TEX36: variants seen among roughly 807,000 people sequenced by gnomAD.
TEX36 encodes the protein testis expressed 36, also known as testis-expressed protein 36.
TEX36 carries 12 observed loss-of-function variants against 13.6 expected under a neutral mutation model. The observed-to-expected ratio is 0.88, with a 90% confidence interval of 0.56 to 1.43. The LOEUF (loss-of-function observed/expected upper bound fraction) is 1.43, where lower values mean the gene tolerates loss of function less well. TEX36 is among the 40% of genes most tolerant of loss of function. The pLI is 0.00. For synonymous variants in TEX36, 93 were observed against 83.0 expected (o/e 1.12, Z -0.65); for missense variants, 224 against 228.3 (o/e 0.98, Z 0.12).
intron 3 of TEX36, among the ~76,000 whole-genome samples, chr10:125,585,474 T>C (rs745391752): frequency 5.9e-5 from 9 of 152,030 alleles, no homozygotes; most frequent in Non-Finnish European, 1.2e-4. Flanking sequence ...AGGCCTGTCA[T>C]AGAAAACAAA....
chr10:125,596,002 G>A (rs932619330), intron 3 of TEX36, among the ~76,000 whole-genome samples: 25 of 152,292 alleles, frequency 1.6e-4, no homozygotes, highest in African/African-American at 6.0e-4. Context: ...TAGATGTCAG[G>A]AATCTTATGA....
chr10:125,637,186 G>C (rs1165703375), intron 3 of TEX36, among the ~76,000 whole-genome samples: 7 of 151,946 alleles, frequency 4.6e-5, no homozygotes, highest in Non-Finnish European at 1.0e-4. Flanking sequence ...GTAGACACCT[G>C]TGGTCTCAAC....
At chr10:125,600,227 A>G (rs1246344122) in intron 3 of TEX36, among the ~76,000 whole-genome samples, 2 of 152,142 alleles carry the variant, frequency 1.3e-5, no homozygotes, top group Non-Finnish European at 2.9e-5. Flanking sequence ...GAAAACTAAA[A>G]TTTTGGAAGA....
chr10:125,669,812 T>C (rs1565190283), intron 1 of TEX36, among the ~76,000 whole-genome samples: 1 of 152,222 alleles, frequency 6.6e-6, no homozygotes, highest in Admixed American at 6.5e-5. Context: ...TGTGTTCTCA[T>C]TGTTCAGCTC....
rs139923925 is a variant in TEX36, at chr10:125,642,961, G to T, written c.264+18060C>A. On this transcript the variant is annotated intron_variant, in intron 3 of 3. Coordinates refer to the TEX36 transcript ENST00000526819. ...TGGAAGCTAGACAGGATCAAATTGG[G>T]CACAGGTCAGGTCGGCTACAAATGT... 6.2e-3 allele frequency among the ~76,000 whole-genome samples: 949 copies of T among 152,300 alleles called. 14 individuals carry two copies. The highest frequency in any genetic ancestry group is 6.4e-3 in the Non-Finnish European group (433 of 68,020).
At chr10:125,634,337 C>T (rs573475455) in intron 3 of TEX36, among the ~76,000 whole-genome samples, 166 of 152,278 alleles carry the variant, frequency 1.1e-3, no homozygotes, top group African/African-American at 3.9e-3. Flanking sequence ...TTTACCTCCA[C>T]ACATTTGATG....
At chr10:125,604,370 T>A (rs891076335) in intron 3 of TEX36, among the ~76,000 whole-genome samples, 2 of 152,142 alleles carry the variant, frequency 1.3e-5, no homozygotes, top group Non-Finnish European at 2.9e-5. Flanking sequence ...AGGGACTAAT[T>A]TGCACGCTCC....
chr10:125,667,016 T>G, intron 1 of TEX36: 2 of 1,455,958 alleles, frequency 1.4e-6, no homozygotes, highest in Non-Finnish European at 1.9e-6. Flanking sequence ...GTTCTCCTTC[T>G]TCCTGCCCCA....
At chr10:125,621,583 T>A (rs1846430001), downstream of TEX36, 2 of 454,910 alleles carry the variant, frequency 4.4e-6, no homozygotes, top group Non-Finnish European at 8.8e-6. Context: ...TAAAATGGAG[T>A]TTTTTAGGGA....
At chr10:125,595,996 T>C (rs1846078381) in intron 3 of TEX36, among the ~76,000 whole-genome samples, 1 of 152,220 alleles carries the variant, frequency 6.6e-6, no homozygotes, top group South Asian at 2.1e-4. Flanking sequence ...TAAAGTTAGA[T>C]GTCAGGAATC....
At chr10:125,643,958 C>A (rs896787633) in intron 3 of TEX36, among the ~76,000 whole-genome samples, 2 of 151,926 alleles carry the variant, frequency 1.3e-5, no homozygotes, top group African/African-American at 4.8e-5. Flanking sequence ...ACAAAAAAAA[C>A]AACATGAGCA....
chr10:125,667,902 A>T, intron 1 of TEX36: 1 of 1,468,230 alleles, frequency 6.8e-7, no homozygotes, highest in Non-Finnish European at 9.5e-7. Flanking sequence ...GCGATGTCAG[A>T]CAGCTCCTTC....
intron 1 of TEX36, among the ~76,000 whole-genome samples, chr10:125,662,865 G>T (rs886527733): frequency 2.0e-5 from 3 of 152,178 alleles, no homozygotes; most frequent in Non-Finnish European, 2.9e-5. Context: ...ATTCCTGAAG[G>T]GGGGTGTGGC....
intron 3 of TEX36, among the ~76,000 whole-genome samples, chr10:125,588,084 T>C (rs905907634): frequency 4.6e-5 from 7 of 152,268 alleles, no homozygotes; most frequent in Non-Finnish European, 8.8e-5. Flanking sequence ...CAGCGGTAAC[T>C]TTGTAAATAT....
chr10:125,647,914 G>A (rs1846796002), intron 3 of TEX36, among the ~76,000 whole-genome samples: 1 of 152,222 alleles, frequency 6.6e-6, no homozygotes, highest in Non-Finnish European at 1.5e-5. Flanking sequence ...TGCTAGCACA[G>A]CAGTCTGAGA....
intron 3 of TEX36, among the ~76,000 whole-genome samples, chr10:125,614,449 G>T (rs999725522): frequency 1.5e-4 from 22 of 150,574 alleles, no homozygotes; most frequent in African/African-American, 4.1e-4. Context: ...ATCTTGAATT[G>T]ATTTTTGTAT....
At chr10:125,615,436 T>C (rs1188961932) in intron 3 of TEX36, among the ~76,000 whole-genome samples, 1 of 152,030 alleles carries the variant, frequency 6.6e-6, no homozygotes, top group African/African-American at 2.4e-5. Flanking sequence ...AGATAGCTCT[T>C]ATTATTTTGA....
At chr10:125,648,870 C>T (rs1286486367) in intron 3 of TEX36, among the ~76,000 whole-genome samples, 1 of 152,126 alleles carries the variant, frequency 6.6e-6, no homozygotes, top group Non-Finnish European at 1.5e-5. Flanking sequence ...GCACAAGCTT[C>T]AGTAGCCGAT....
chr10:125,625,381 A>C (rs1846474768), intron 3 of TEX36, among the ~76,000 whole-genome samples: 1 of 152,244 alleles, frequency 6.6e-6, no homozygotes, highest in African/African-American at 2.4e-5. Context: ...AGGCCATTAA[A>C]GGGTTTGAGT....
Sources: allele counts gnomAD v4.1 joint callset (sites outside exome capture counted in the v4.1 genomes callset), GRCh38; gene constraint gnomAD v4.1.1; transcripts MANE v1.5; gene names NCBI Gene and HGNC (gene_info 2026-07-23, HGNC 2026-07-21).